Variants in MARCHF1 observed in about 807,000 individuals in gnomAD.
The protein encoded by MARCHF1 is E3 ubiquitin-protein ligase MARCHF1.
A neutral mutation model predicts 54.2 loss-of-function variants in MARCHF1; 40 were observed. That is an observed-to-expected ratio of 0.74 (90% CI 0.57 to 0.96). The LOEUF (loss-of-function observed/expected upper bound fraction) is 0.96, where lower values mean the gene tolerates loss of function less well. Among genes scored for constraint, MARCHF1 ranks in the 40% least tolerant of loss-of-function variants. The pLI is 0.00. For synonymous variants in MARCHF1, 236 were observed against 236.3 expected (o/e 1.00, Z 0.01); for missense variants, 586 against 656.5 (o/e 0.89, Z 1.17).
chr4:164,188,498 T>C (rs1731036541), intron 1 of MARCHF1: 5 of 680,804 alleles, frequency 7.3e-6, no homozygotes, highest in Non-Finnish European at 1.4e-5. Context: ...CACCTACTGC[T>C]GCGTCTGTGT....
intron 4 of MARCHF1, among the ~76,000 whole-genome samples, chr4:163,718,175 T>C (rs188962099): frequency 5.0e-4 from 76 of 152,308 alleles, no homozygotes; most frequent in African/African-American, 1.8e-3. Context: ...AAGACTTAAA[T>C]GTTAGACCTA....
At chr4:163,744,247 A>T (rs976186942) in intron 4 of MARCHF1, among the ~76,000 whole-genome samples, 1 of 151,158 alleles carries the variant, frequency 6.6e-6, no homozygotes, top group Non-Finnish European at 1.5e-5. Context: ...TTTCGAACCA[A>T]TTTTTTTTTA....
chr4:163,883,862 T>A (rs1299950018), intron 3 of MARCHF1, among the ~76,000 whole-genome samples: 1 of 152,030 alleles, frequency 6.6e-6, no homozygotes, highest in Non-Finnish European at 1.5e-5. Context: ...CTAGCCTGCA[T>A]CAAAGCTAAG....
At chr4:164,083,623 T>C (rs867913092) in intron 2 of MARCHF1, among the ~76,000 whole-genome samples, 3 of 152,070 alleles carry the variant, frequency 2.0e-5, no homozygotes, top group Admixed American at 1.3e-4. Flanking sequence ...TGAAATAGAA[T>C]AGTGTATTTC....
chr4:164,115,874 A>G (rs1464084578), intron 1 of MARCHF1, among the ~76,000 whole-genome samples: 1 of 151,742 alleles, frequency 6.6e-6, no homozygotes, highest in Non-Finnish European at 1.5e-5. Flanking sequence ...TAGTTCCCAC[A>G]GATATACACA....
rs561485080 is a variant in MARCHF1 at position 163,970,668 on chromosome 4, T to C, written c.-39+17833A>G. On this transcript the variant is annotated intron_variant, in intron 3 of 9. Transcript: ENST00000514618. ...TGTAACATTTTGGGTCATATTGGTA[T>C]ATAAAATTCAGGAGTTTATTTCTAT... 2.6e-4 allele frequency among the ~76,000 whole-genome samples: 39 copies of C among 152,336 alleles called. 1 individual carries two copies. Among genetic ancestry groups the C allele is most frequent in the African/African-American group, 8.4e-4 (35 of 41,584 alleles).
At chr4:163,938,646 C>T (rs1267785414) in intron 3 of MARCHF1, among the ~76,000 whole-genome samples, 1 of 152,072 alleles carries the variant, frequency 6.6e-6, no homozygotes, top group African/African-American at 2.4e-5. Flanking sequence ...GGGTTTCATG[C>T]TGTTATGAAG....
At chr4:164,258,809 G>A (rs968729119) in intron 1 of MARCHF1, among the ~76,000 whole-genome samples, 12 of 151,964 alleles carry the variant, frequency 7.9e-5, no homozygotes, top group East Asian at 1.9e-4. Context: ...ATTATTCTGA[G>A]GAATTGTTAT....
At chr4:164,300,284 G>A (rs531344037) in intron 1 of MARCHF1, among the ~76,000 whole-genome samples, 4 of 151,916 alleles carry the variant, frequency 2.6e-5, no homozygotes, top group Admixed American at 6.6e-5. Flanking sequence ...AATCATACAC[G>A]TGGCTGACTA....
chr4:164,294,340 C>T (rs940647841), intron 1 of MARCHF1, among the ~76,000 whole-genome samples: 4 of 152,110 alleles, frequency 2.6e-5, no homozygotes, highest in African/African-American at 9.7e-5. Flanking sequence ...TATCTTATAC[C>T]TCTAGAGAAC....
rs116820182 is a variant in MARCHF1, at chr4:164,066,246, C to A, written c.-248+45342G>T. ...CACTTTTCAAAAGAAGACATATATGCAGCCAACGAGCACACACAAAAAAAT... is the reference window on the plus strand; with the variant it reads ...CACTTTTCAAAAGAAGACATATATGAAGCCAACGAGCACACACAAAAAAAT... On this transcript the variant is annotated intron_variant, in intron 2 of 9. Transcript: ENST00000514618. Among the ~76,000 whole-genome samples the A allele has an allele frequency of 7.3e-3, 1,105 of 152,162 alleles. 12 individuals carry two copies. The highest frequency in any genetic ancestry group is 0.025 in the African/African-American group (1,031 of 41,498).
chr4:163,693,144 A>C (rs1282527841), intron 5 of MARCHF1, among the ~76,000 whole-genome samples: 2 of 151,370 alleles, frequency 1.3e-5, no homozygotes, highest in African/African-American at 4.9e-5. Flanking sequence ...AATGAGCAGG[A>C]AGGGCCAATA....
At chr4:164,020,879 T>A (rs866729318) in intron 2 of MARCHF1, among the ~76,000 whole-genome samples, 19 of 152,194 alleles carry the variant, frequency 1.2e-4, no homozygotes, top group African/African-American at 4.3e-4. Context: ...TGCAGTGAAC[T>A]GTGATAGTGC....
At chr4:164,324,261 T>C (rs1282297194) in intron 1 of MARCHF1, among the ~76,000 whole-genome samples, 9 of 151,730 alleles carry the variant, frequency 5.9e-5, no homozygotes, top group Non-Finnish European at 1.0e-4. Flanking sequence ...CTGAATAAAA[T>C]AGAAAACATA....
chr4:164,142,227 C>T (rs890800783), intron 1 of MARCHF1, among the ~76,000 whole-genome samples: 2 of 152,166 alleles, frequency 1.3e-5, no homozygotes, highest in African/African-American at 2.4e-5. Context: ...AACTGCAAGG[C>T]CGCAGCCAGG....
chr4:163,577,456 C>T (rs1217418158), intron 8 of MARCHF1, among the ~76,000 whole-genome samples: 18 of 152,112 alleles, frequency 1.2e-4, no homozygotes, highest in Non-Finnish European at 1.5e-5. Flanking sequence ...CCACTGTTAG[C>T]CTAATGGAGT....
chr4:164,189,406 A>C, intron 1 of MARCHF1: 2 of 676,856 alleles, frequency 3.0e-6, no homozygotes, highest in Admixed American at 4.5e-5. Context: ...GCCTGTCCAG[A>C]AAGTGTTGGA....
intron 1 of MARCHF1, among the ~76,000 whole-genome samples, chr4:164,311,150 T>G (rs1734840422): frequency 6.6e-6 from 1 of 152,128 alleles, no homozygotes; most frequent in South Asian, 2.1e-4. Context: ...CTTGAAATAG[T>G]ATTCTTTTTA....
rs1431139765 is a variant in MARCHF1, at chr4:163,737,178, T to C, written c.112-36315A>G. Among the ~76,000 whole-genome samples the C allele has an allele frequency of 3.3e-4, 24 of 73,668 alleles. 6 individuals are homozygous for C. The highest frequency in any genetic ancestry group is 1.4e-4 in the Non-Finnish European group (3 of 21,224). The allele number at this position is 73,668 out of a possible 152,430, so 48.3% of individuals were successfully genotyped here. A position where few individuals can be genotyped will look rare whatever the true frequency, so the allele number is the denominator to read the frequency against. On this transcript the variant is annotated intron_variant, in intron 4 of 9. Transcript: ENST00000514618. ...CTTTTTTCTTTCTTTTTTTTTTTTT[T>C]TTTTCACATATTAGTTTATTTATTT...
Sources: gnomAD v4.1 joint callset for allele counts (sites outside exome capture counted in the v4.1 genomes callset) on GRCh38, gnomAD v4.1.1 for gene constraint, MANE v1.5 for transcripts, NCBI Gene and HGNC (gene_info 2026-07-23, HGNC 2026-07-21) for gene names.